PDS5A: variants seen among roughly 807,000 people sequenced by gnomAD.
PDS5A encodes sister chromatid cohesion protein PDS5 homolog A.
A neutral mutation model predicts 167.1 loss-of-function variants in PDS5A; 42 were observed. The ratio of observed to expected loss-of-function variants is 0.25; its 90% CI spans 0.20 to 0.33. The LOEUF (loss-of-function observed/expected upper bound fraction) is 0.33, where lower values mean the gene tolerates loss of function less well. Among genes scored for constraint, PDS5A ranks in the 10% least tolerant of loss-of-function variants. The pLI is 1.00. For missense variants in PDS5A, 1,033 were observed against 1,605.9 expected, an observed-to-expected ratio of 0.64 and a Z score of 6.10; for synonymous variants, 553 against 554.6, an observed-to-expected ratio of 1.00 and a Z score of 0.04.
chr4:39,884,711 A>G (rs887782570), intron 17 of PDS5A, among the ~76,000 whole-genome samples: 1 of 152,226 alleles, frequency 6.6e-6, no homozygotes, highest in Non-Finnish European at 1.5e-5. Flanking sequence ...AAAACTTAAA[A>G]AGAAAATTTA....
At chr4:39,872,655 A>C (rs1410138613) in intron 21 of PDS5A, 2 of 159,496 alleles carry the variant, frequency 1.3e-5, no homozygotes, top group Non-Finnish European at 2.7e-5. Context: ...TTGTCTTCAA[A>C]ACAAAAAACA....
chr4:39,869,674 TA>T (rs1048973560), intron 21 of PDS5A, among the ~76,000 whole-genome samples: 3 of 152,296 alleles, frequency 2.0e-5, no homozygotes, highest in African/African-American at 7.2e-5. Context: ...GTGTGGCTGG[TA>T]CTGGCAAGGA....
intron 16 of PDS5A, among the ~76,000 whole-genome samples, chr4:39,897,641 C>T (rs1329805660): frequency 6.6e-6 from 1 of 151,956 alleles, no homozygotes; most frequent in Non-Finnish European, 1.5e-5. Flanking sequence ...TCAGGTGATC[C>T]ACACGCCTTG....
intron 32 of PDS5A, among the ~76,000 whole-genome samples, chr4:39,834,184 C>CAA (rs34080418): frequency 1.5e-3 from 162 of 108,304 alleles, no homozygotes; most frequent in Admixed American, 2.3e-3. Flanking sequence ...GATATTGTCT[C>CAA]AAAAAAAAAA....
chr4:39,828,654 A>G (rs898539717), intron 32 of PDS5A, among the ~76,000 whole-genome samples: 2 of 152,224 alleles, frequency 1.3e-5, no homozygotes, highest in African/African-American at 4.8e-5. Context: ...CTAATTAATG[A>G]TAATAAAATA....
chr4:39,923,564 A>G (rs1012023900), intron 5 of PDS5A, among the ~76,000 whole-genome samples: 17 of 151,152 alleles, frequency 1.1e-4, no homozygotes, highest in Non-Finnish European at 2.9e-5. Context: ...GGAGCCCAGG[A>G]GGTCGAGGCA....
chr4:39,870,587 CAAAATAAAAT>C lies in PDS5A; in HGVS notation c.2437-1135_2437-1126del, dbSNP rs57432451. On this transcript the variant is annotated intron_variant, in intron 21 of 32. Transcript: ENST00000303538. ...TGGGTGACAGAGTGAGACCATGTCT[CAAAATAAAAT>C]AAAATAAAATAAAATAAAATAAGAG... Among the ~76,000 whole-genome samples the C allele has an allele frequency of 1.0e-2, 1,482 of 148,784 alleles. 27 individuals carry two copies. Among genetic ancestry groups the C allele is most frequent in the African/African-American group, 0.034 (1,394 of 40,434 alleles).
rs757972877 is a variant in PDS5A at position 39,837,833 on chromosome 4, TGAG to T, written c.4010+20_4010+22del. 6.5e-7 allele frequency: 1 copy of T among 1,538,634 alleles called. No homozygotes were observed. Among genetic ancestry groups the T allele is most frequent in the Non-Finnish European group, 8.9e-7 (1 of 1,129,268 alleles). ...AAAACAAAATGTCTAAATTCCCACT[TGAG>T]GAAGAATGGCGTACATTACCTTTGT... is the stretch of plus-strand genomic sequence containing the variant. On this transcript the variant is annotated intron_variant, in intron 32 of 32. Coordinates refer to ENST00000303538, the MANE Select transcript of PDS5A (RefSeq NM_001100399.2).
At chr4:39,885,297 A>C (rs1332274763) in intron 17 of PDS5A, among the ~76,000 whole-genome samples, 1 of 138,536 alleles carries the variant, frequency 7.2e-6, no homozygotes, top group Non-Finnish European at 1.5e-5. Context: ...AAGAAAGGAG[A>C]AGAGAAGAGA....
chr4:39,899,811 C>T (rs999293077), intron 14 of PDS5A, among the ~76,000 whole-genome samples: 2 of 142,586 alleles, frequency 1.4e-5, no homozygotes, highest in African/African-American at 5.4e-5. Context: ...GATCATGCCA[C>T]TATGCGACAG....
intron 2 of PDS5A, among the ~76,000 whole-genome samples, chr4:39,929,789 A>G (rs975280701): frequency 6.6e-6 from 1 of 150,694 alleles, no homozygotes; most frequent in African/African-American, 2.4e-5. Flanking sequence ...TTTGTTGCCT[A>G]GGCTGGAGTG....
chr4:39,929,525 A>C lies in PDS5A; in HGVS notation c.139-1361T>G, dbSNP rs1438235511. Among the ~76,000 whole-genome samples the C allele has an allele frequency of 3.6e-3, 141 of 39,626 alleles. 2 individuals carry two copies. Among genetic ancestry groups the C allele is most frequent in the African/African-American group, 3.8e-3 (68 of 17,836 alleles). 26.0% of individuals were successfully genotyped at this position (39,626 alleles called of 152,430 possible). ...TGAGTTAATACTTAATAAACTATAT[A>C]TATATATATATATATATATATATAT... On this transcript the variant is annotated intron_variant, in intron 2 of 32. Coordinates refer to ENST00000303538, the MANE Select transcript of PDS5A (RefSeq NM_001100399.2).
intron 17 of PDS5A, among the ~76,000 whole-genome samples, chr4:39,886,019 G>A (rs895617446): frequency 1.3e-4 from 20 of 152,184 alleles, no homozygotes; most frequent in African/African-American, 4.3e-4. Context: ...GAGAGATAGC[G>A]GTCTAGTTTC....
chr4:39,840,631 G>A (rs1716909251), intron 31 of PDS5A, among the ~76,000 whole-genome samples: 1 of 151,138 alleles, frequency 6.6e-6, no homozygotes, highest in Non-Finnish European at 1.5e-5. Flanking sequence ...CCTGACCTCA[G>A]GCGATTTGCC....
intron 7 of PDS5A, among the ~76,000 whole-genome samples, chr4:39,917,859 C>T (rs907404128): frequency 6.6e-6 from 1 of 151,808 alleles, no homozygotes; most frequent in Non-Finnish European, 1.5e-5. Flanking sequence ...ACAGGCGTGA[C>T]CCATTGCGCC....
rs747155521 is a variant in PDS5A at position 39,922,660 on chromosome 4, A to G, written c.616T>C (p.Leu206=). The change falls in exon 6 of 33, where the codon TTG becomes CTG. Residue 206 remains leucine (L), a synonymous_variant. Coordinates refer to ENST00000303538, the MANE Select transcript of PDS5A (RefSeq NM_001100399.2). ...ATGAGGTTAATAAGAATGGAGTCCA[A>G]TAATTCTTGAGTAACTCCATCACCT... ...MEGDGVTQEL[L]DSILINLIPA... is the part of the protein sequence containing the mutation. 6 of 1,602,588 alleles carry G rather than the reference A, an allele frequency of 3.7e-6. No homozygotes were observed. Among genetic ancestry groups the G allele is most frequent in the South Asian group, 2.3e-5 (2 of 88,706 alleles).
In PDS5A at chr4:39,862,277, C is replaced by T. The variant is rs1320953777; in HGVS notation, c.3028G>A (p.Ala1010Thr). Residue 1010 changes from alanine (A) to threonine (T), a missense_variant, in exon 26 of 33, where the codon GCC becomes ACC. This residue lies in a region of PDS5A where 367 missense variants were observed against 686.7 expected (regional missense o/e 0.53). Coordinates refer to ENST00000303538, the MANE Select transcript of PDS5A (RefSeq NM_001100399.2). ...YVVPYMIHLL[A>T]HDPDFTRSQD... ...GATCTTGTAAAATCTGGATCATGGGCTAGCAGGTGAATCATGTATGGAACT... is the reference window on the plus strand; with the variant it reads ...GATCTTGTAAAATCTGGATCATGGGTTAGCAGGTGAATCATGTATGGAACT... 6.5e-7 allele frequency: 1 copy of T among 1,542,226 alleles called. No homozygotes were observed. The highest frequency in any genetic ancestry group is 1.4e-5 in the African/African-American group (1 of 73,376).
chr4:39,900,981 G>GT (rs1285580566), intron 13 of PDS5A, among the ~76,000 whole-genome samples: 2 of 152,244 alleles, frequency 1.3e-5, no homozygotes, highest in Admixed American at 6.5e-5. Flanking sequence ...GAAAAATGAA[G>GT]TATCAAAAAT....
At chr4:39,934,932 C>T (rs1726450327) in intron 2 of PDS5A, among the ~76,000 whole-genome samples, 1 of 152,006 alleles carries the variant, frequency 6.6e-6, no homozygotes, top group South Asian at 2.1e-4. Flanking sequence ...AATCCTTTAT[C>T]AGATACGTAT....
Sources: allele counts gnomAD v4.1 joint callset (sites outside exome capture counted in the v4.1 genomes callset), GRCh38; gene constraint gnomAD v4.1.1; regional missense constraint gnomAD v4.1.1; transcripts MANE v1.5; gene names NCBI Gene and HGNC (gene_info 2026-07-23, HGNC 2026-07-21).